TRPS1: variants seen among roughly 807,000 people sequenced by gnomAD.
TRPS1 encodes the protein zinc finger transcription factor Trps1.
In TRPS1, 6 loss-of-function variants were observed where a neutral mutation model predicts 101.2. The observed-to-expected ratio is 0.06, with a 90% CI of 0.03 to 0.12. TRPS1 has a LOEUF of 0.12. Among genes scored for constraint, TRPS1 ranks in the 10% least tolerant of loss-of-function variants. TRPS1 has a pLI of 1.00. For missense variants in TRPS1, 1,363 were observed against 1,567.0 expected, an observed-to-expected ratio of 0.87 and a Z score of 2.20; for synonymous variants, 578 against 589.8, an observed-to-expected ratio of 0.98 and a Z score of 0.29.
intron 5 of TRPS1, among the ~76,000 whole-genome samples, chr8:115,455,616 T>C (rs537216611): frequency 1.9e-4 from 29 of 152,230 alleles, no homozygotes; most frequent in Non-Finnish European, 3.2e-4. Context: ...ACTGAACTCA[T>C]TTTCTAGATT....
At chr8:115,532,880 A>C (rs1376649821) in intron 5 of TRPS1, among the ~76,000 whole-genome samples, 3 of 152,202 alleles carry the variant, frequency 2.0e-5, no homozygotes, top group African/African-American at 7.2e-5. Context: ...GGTTTTATTC[A>C]AGAGCCAAAG....
chr8:115,438,020 T>G (rs1347961738), intron 5 of TRPS1, among the ~76,000 whole-genome samples: 1 of 152,124 alleles, frequency 6.6e-6, no homozygotes, highest in African/African-American at 2.4e-5. Flanking sequence ...AACATGGCAT[T>G]TTTTTTCTAC....
chr8:115,426,715 T>G (rs1476252980), intron 5 of TRPS1, among the ~76,000 whole-genome samples: 2 of 152,186 alleles, frequency 1.3e-5, no homozygotes. Context: ...TATTTACAAA[T>G]AACTTTAACA....
At chr8:115,639,755 G>A (rs7005605) in intron 1 of TRPS1, among the ~76,000 whole-genome samples, 14,341 of 152,184 alleles carry the variant, frequency 0.094, 2,327 homozygotes, top group African/African-American at 0.32. Flanking sequence ...CTTGAGCTTG[G>A]GAGGCAGAGG....
intron 5 of TRPS1, among the ~76,000 whole-genome samples, chr8:115,536,897 TA>T (rs1472360499): frequency 6.6e-6 from 1 of 151,936 alleles, no homozygotes; most frequent in African/African-American, 2.4e-5. Flanking sequence ...ATTTTACATA[TA>T]GGGGGTTCTT....
chr8:115,485,032 T>A (rs1444606120), intron 5 of TRPS1, among the ~76,000 whole-genome samples: 1 of 152,206 alleles, frequency 6.6e-6, no homozygotes, highest in Non-Finnish European at 1.5e-5. Flanking sequence ...GGACCTGTTC[T>A]GAAGGGCTTT....
chr8:115,450,669 A>G (rs1374605796), intron 5 of TRPS1, among the ~76,000 whole-genome samples: 1 of 152,116 alleles, frequency 6.6e-6, no homozygotes, highest in Non-Finnish European at 1.5e-5. Context: ...AGGAACTGTA[A>G]CTCATGTGAC....
intron 5 of TRPS1, among the ~76,000 whole-genome samples, chr8:115,532,762 G>A (rs1816166312): frequency 6.6e-6 from 1 of 152,114 alleles, no homozygotes; most frequent in South Asian, 2.1e-4. Flanking sequence ...AAATCTGACT[G>A]GTCTGCAAAC....
chr8:115,517,491 C>G (rs1034068436), intron 5 of TRPS1, among the ~76,000 whole-genome samples: 1 of 151,248 alleles, frequency 6.6e-6, no homozygotes, highest in Middle Eastern at 3.4e-3. Context: ...GGAGACGATG[C>G]CAAAGGATGT....
intron 1 of TRPS1, among the ~76,000 whole-genome samples, chr8:115,653,330 A>G (rs965978643): frequency 6.6e-6 from 1 of 152,148 alleles, no homozygotes; most frequent in African/African-American, 2.4e-5. Context: ...TGCTATATAG[A>G]GATAGTAGCC....
chr8:115,493,765 T>C (rs1270874597), intron 5 of TRPS1, among the ~76,000 whole-genome samples: 2 of 152,246 alleles, frequency 1.3e-5, no homozygotes, highest in African/African-American at 4.8e-5. Flanking sequence ...TGCAATTTTA[T>C]GTTAGTTTTT....
intron 1 of TRPS1, among the ~76,000 whole-genome samples, chr8:115,653,034 A>C (rs1407597683): frequency 6.6e-6 from 1 of 152,204 alleles, no homozygotes; most frequent in Admixed American, 6.5e-5. Context: ...TATAAAAACC[A>C]ACAAAAAACG....
chr8:115,663,915 G>C (rs1020378681), intron 1 of TRPS1, among the ~76,000 whole-genome samples: 1 of 151,848 alleles, frequency 6.6e-6, no homozygotes, highest in Middle Eastern at 3.2e-3. Context: ...CCAAAGTCAA[G>C]TTCTACATTA....
At chr8:115,666,851 T>C (rs889333198) in intron 1 of TRPS1, among the ~76,000 whole-genome samples, 1 of 128,582 alleles carries the variant, frequency 7.8e-6, no homozygotes, top group African/African-American at 3.7e-5. Context: ...TTGTACTTAT[T>C]ATCTCTCCCA....
At chr8:115,441,896 AGAGTGTGTGTGTGT>A (rs1813605440) in intron 5 of TRPS1, among the ~76,000 whole-genome samples, 2 of 133,160 alleles carry the variant, frequency 1.5e-5, no homozygotes, top group Admixed American at 1.5e-4. Flanking sequence ...AGAGAGAGAG[AGAGTGTGTGTGTGT>A]GTGTGTGTGT....
chr8:115,440,782 T>C (rs757215588), intron 5 of TRPS1, among the ~76,000 whole-genome samples: 1 of 152,216 alleles, frequency 6.6e-6, no homozygotes, highest in Non-Finnish European at 1.5e-5. Context: ...ACTGACATTA[T>C]CAAACCACAA....
chr8:115,486,660 C>A (rs1255854245), intron 5 of TRPS1, among the ~76,000 whole-genome samples: 1 of 152,122 alleles, frequency 6.6e-6, no homozygotes, highest in East Asian at 1.9e-4. Context: ...TTTTAATGGT[C>A]GGGATTGAAG....
At chr8:115,535,758 T>C (rs1048613162) in intron 5 of TRPS1, among the ~76,000 whole-genome samples, 8 of 151,272 alleles carry the variant, frequency 5.3e-5, no homozygotes, top group Non-Finnish European at 8.8e-5. Flanking sequence ...TACATGTATA[T>C]GTGTATATAT....
intron 5 of TRPS1, among the ~76,000 whole-genome samples, chr8:115,505,528 A>G (rs974576683): frequency 4.6e-5 from 7 of 152,152 alleles, no homozygotes; most frequent in Admixed American, 4.6e-4. Flanking sequence ...AACAGGTGTT[A>G]CGTGTGACTT....
Sources: gnomAD v4.1 joint callset for allele counts (sites outside exome capture counted in the v4.1 genomes callset) on GRCh38, gnomAD v4.1.1 for gene constraint, MANE v1.5 for transcripts, NCBI Gene and HGNC (gene_info 2026-07-23, HGNC 2026-07-21) for gene names.